MEIKIN: variants seen among roughly 807,000 people sequenced by gnomAD.
MEIKIN encodes the protein meiotic kinetochore factor, also known as meiosis-specific kinetochore protein.
At chr5:131,807,827 G>A (rs1772874311) in intron 12 of MEIKIN, among the ~76,000 whole-genome samples, 1 of 152,082 alleles carries the variant, frequency 6.6e-6, no homozygotes, top group Non-Finnish European at 1.5e-5. Flanking sequence ...CTCATCCTCT[G>A]GCCAAATCAG....
chr5:131,927,872 G>A (rs891062361), intron 5 of MEIKIN, among the ~76,000 whole-genome samples: 16 of 151,980 alleles, frequency 1.1e-4, no homozygotes, highest in South Asian at 6.2e-4. Context: ...TCGGCCGGGC[G>A]CGGTGGCTCA....
At chr5:131,818,546 A>G (rs562479572) in intron 12 of MEIKIN, among the ~76,000 whole-genome samples, 194 bp downstream of exon 12, 1 of 152,254 alleles carries the variant, frequency 6.6e-6, no homozygotes, top group East Asian at 1.9e-4. Context: ...TGAGCTATCC[A>G]AAGTGCTGGG....
intron 8 of MEIKIN, among the ~76,000 whole-genome samples, chr5:131,906,877 G>A (rs1751251769): frequency 6.6e-6 from 1 of 152,072 alleles, no homozygotes; most frequent in Admixed American, 6.6e-5. Flanking sequence ...GGTGAGAGGA[G>A]GGTGACTATT....
intron 11 of MEIKIN, among the ~76,000 whole-genome samples, chr5:131,829,109 T>C (rs1030342450): frequency 2.2e-4 from 34 of 151,916 alleles, no homozygotes; most frequent in African/African-American, 8.0e-4. Context: ...CACAGAGAAA[T>C]AGTTGATCAT....
chr5:131,853,291 T>C (rs1204976365), intron 10 of MEIKIN, among the ~76,000 whole-genome samples: 1 of 152,210 alleles, frequency 6.6e-6, no homozygotes, highest in African/African-American at 2.4e-5. Context: ...CCATGGACGT[T>C]ATGCATAAGT....
intron 9 of MEIKIN, among the ~76,000 whole-genome samples, chr5:131,863,465 G>C (rs530887176): frequency 9.9e-5 from 15 of 150,950 alleles, no homozygotes; most frequent in Non-Finnish European, 2.1e-4. Flanking sequence ...TTATACATCT[G>C]AGTGCAGCAT....
At chr5:131,906,249 C>A (rs1751240583) in intron 8 of MEIKIN, among the ~76,000 whole-genome samples, 1 of 152,102 alleles carries the variant, frequency 6.6e-6, no homozygotes, top group African/African-American at 2.4e-5. Flanking sequence ...ATACACACGA[C>A]CGACAAACAT....
chr5:131,866,975 T>A (rs1350423145), intron 9 of MEIKIN, among the ~76,000 whole-genome samples: 2 of 152,164 alleles, frequency 1.3e-5, no homozygotes, highest in Non-Finnish European at 2.9e-5. Flanking sequence ...GTATATCTCA[T>A]CTTAAAAGAA....
At chr5:131,870,949 A>C (rs1366183221) in intron 9 of MEIKIN, among the ~76,000 whole-genome samples, 1 of 152,066 alleles carries the variant, frequency 6.6e-6, no homozygotes, top group East Asian at 1.9e-4. Context: ...ACCTGCCACA[A>C]CCTCCTCAAG....
intron 11 of MEIKIN, among the ~76,000 whole-genome samples, chr5:131,846,383 A>T (rs1379444945): frequency 6.6e-6 from 1 of 152,260 alleles, no homozygotes; most frequent in Non-Finnish European, 1.5e-5. Context: ...AAAAGCTACT[A>T]TTATTATAAC....
intron 8 of MEIKIN, among the ~76,000 whole-genome samples, chr5:131,900,811 C>A (rs1298166201): frequency 1.3e-5 from 2 of 152,146 alleles, no homozygotes; most frequent in African/African-American, 4.8e-5. Flanking sequence ...CCTGTGCTGG[C>A]AGACTGCTCC....
At chr5:131,841,930 A>G (rs1022019501) in intron 11 of MEIKIN, among the ~76,000 whole-genome samples, 2 of 152,086 alleles carry the variant, frequency 1.3e-5, no homozygotes, top group African/African-American at 4.8e-5. Context: ...ATTGTTTATT[A>G]GTTCTAACAG....
At chr5:131,872,935 G>C (rs1397390784) in intron 9 of MEIKIN, among the ~76,000 whole-genome samples, 2 of 152,330 alleles carry the variant, frequency 1.3e-5, no homozygotes, top group Admixed American at 6.5e-5. Flanking sequence ...ATCCTTTACA[G>C]ACAAGCAAAT....
chr5:131,901,250 A>T (rs1751151291), intron 8 of MEIKIN, among the ~76,000 whole-genome samples: 1 of 152,066 alleles, frequency 6.6e-6, no homozygotes, highest in South Asian at 2.1e-4. Context: ...ACAAAACTAT[A>T]TAGGGAGACC....
intron 9 of MEIKIN, among the ~76,000 whole-genome samples, chr5:131,870,369 T>C (rs1750466091): frequency 6.6e-6 from 1 of 152,208 alleles, no homozygotes. Context: ...TACTATGTTC[T>C]GTTTATTTTT....
chr5:131,871,680 G>C (rs1261006284), intron 9 of MEIKIN, among the ~76,000 whole-genome samples: 7 of 152,208 alleles, frequency 4.6e-5, no homozygotes, highest in Admixed American at 3.9e-4. Context: ...CTTGAGATCT[G>C]AGAATGGGTA....
intron 8 of MEIKIN, among the ~76,000 whole-genome samples, chr5:131,881,794 G>A (rs374908902): frequency 8.0e-4 from 122 of 151,946 alleles, no homozygotes; most frequent in Non-Finnish European, 1.5e-3. Flanking sequence ...TTCTTTCCTC[G>A]TTGGCACCCT....
At chr5:131,815,011 G>A (rs939757089) in intron 12 of MEIKIN, among the ~76,000 whole-genome samples, 6 of 152,172 alleles carry the variant, frequency 3.9e-5, no homozygotes, top group African/African-American at 1.4e-4. Flanking sequence ...CATCATGGAA[G>A]GGGTAGCATT....
chr5:131,922,535 C>G (rs955508603), intron 5 of MEIKIN, among the ~76,000 whole-genome samples: 4 of 152,074 alleles, frequency 2.6e-5, no homozygotes, highest in Non-Finnish European at 4.4e-5. Context: ...CATTTTATAT[C>G]AGGGACTTCA....
Sources: gnomAD v4.1 joint callset for allele counts (sites outside exome capture counted in the v4.1 genomes callset) on GRCh38, gnomAD v4.1.1 for gene constraint, MANE v1.5 for transcripts, NCBI Gene and HGNC (gene_info 2026-07-23, HGNC 2026-07-21) for gene names.